Variants in DCAF11 observed in about 807,000 individuals in gnomAD.
DCAF11 encodes the protein DDB1 and CUL4 associated factor 11, also known as DDB1- and CUL4-associated factor 11.
In DCAF11, 44 loss-of-function variants were observed where a neutral mutation model predicts 76.1. The ratio of observed to expected loss-of-function variants is 0.58; its 90% CI spans 0.45 to 0.74. DCAF11 has a LOEUF of 0.74. Ranked by LOEUF, DCAF11 falls within the 30% of genes least tolerant of loss-of-function variation. The pLI is 0.00. For synonymous variants in DCAF11, 258 were observed against 255.0 expected (o/e 1.01, Z -0.11); for missense variants, 604 against 709.4 (o/e 0.85, Z 1.69).
Position 24,114,890 on chromosome 14 carries a change from C to G in DCAF11, c.-617C>G. ...GCGGCAGTCGGTGTAAACAAGGCCT[C>G]GCGCCGCTGCGGGTCCTGCGACCGC... On this transcript the variant is annotated 5_prime_UTR_variant, in exon 1 of 15. Transcript: ENST00000446197. 1 of 985,934 alleles carries G rather than the reference C, an allele frequency of 1.0e-6. No individual in the cohort carries two copies. Among genetic ancestry groups the G allele is most frequent in the Non-Finnish European group, 1.2e-6 (1 of 829,942 alleles). 61.1% of individuals were successfully genotyped at this position (985,934 alleles called of 1,614,324 possible).
chr14:24,121,275 C>T (rs549931406), intron 12 of DCAF11, 90 bp from the exon 13 acceptor site: 4 of 1,526,868 alleles, frequency 2.6e-6, no homozygotes, highest in Admixed American at 1.8e-5. Context: ...GCATTTGTCT[C>T]TGGGCATCGA....
intron 13 of DCAF11, among the ~76,000 whole-genome samples, chr14:24,122,446 C>T (rs1256421796): frequency 1.3e-5 from 2 of 148,548 alleles, no homozygotes; most frequent in Non-Finnish European, 1.5e-5. Flanking sequence ...GCCAAGATCG[C>T]GCCACGGCAC....
In DCAF11 at chr14:24,118,100, G is replaced by A; in HGVS notation, c.522G>A (p.Lys174=). The stretch of plus-strand genomic sequence containing the variant: ...GCTTCACTGATAGCTACTCTCAGAA[G>A]GCTTTCTGTGGCATCTACAGCAAAG... The part of the protein sequence containing the change: ...DLGFTDSYSQ[K]AFCGIYSKDG... Residue 174 remains lysine (K), a synonymous_variant, in exon 6 of 15, where the codon AAG becomes AAA. Coordinates refer to ENST00000446197, the MANE Select transcript of DCAF11 (RefSeq NM_025230.5). 1 of 1,613,016 alleles carries A rather than the reference G, an allele frequency of 6.2e-7. No homozygotes were observed. The highest frequency in any genetic ancestry group is 8.5e-7 in the Non-Finnish European group (1 of 1,179,718).
At chr14:24,119,313 C>A (rs1488899639) in intron 9 of DCAF11, 100 bp downstream of exon 9, 3 of 1,461,340 alleles carry the variant, frequency 2.1e-6, no homozygotes, top group African/African-American at 1.4e-5. Flanking sequence ...CTGCAGAGAA[C>A]AACCAGACCT....
At chr14:24,120,001 C>T (rs770132114) in intron 11 of DCAF11, 105 bp downstream of exon 11, 1 of 1,376,514 alleles carries the variant, frequency 7.3e-7, no homozygotes, top group Non-Finnish European at 9.6e-7. Flanking sequence ...CCTTATTAAC[C>T]AAGGTTTGTA....
At position 24,117,056 on chromosome 14, in the gene DCAF11, A is replaced by T; in HGVS notation, c.283+12A>T. The T allele has an allele frequency of 2.5e-6, 4 of 1,614,208 alleles. No homozygotes were observed. In the South Asian group the frequency reaches 4.4e-5, roughly 18 times the overall value. On this transcript the variant is annotated intron_variant, in intron 3 of 14. Coordinates refer to ENST00000446197, the MANE Select transcript of DCAF11 (RefSeq NM_025230.5). The surrounding 1 kb of genome is among the most constrained non-coding windows in gnomAD (Gnocchi z 4.3). The stretch of plus-strand genomic sequence containing the variant: ...ATACAACCCACCTGGTAAGAGGAAA[A>T]GCCCCTAATGTTGGAAGACTTTTAC...
chr14:24,123,456 C>T lies in DCAF11; in HGVS notation c.*147C>T. 7.9e-7 allele frequency: 1 copy of T among 1,261,352 alleles called. No individual in the cohort carries two copies. The highest frequency in any genetic ancestry group is 1.0e-6 in the Non-Finnish European group (1 of 963,750). 78.1% of individuals were successfully genotyped at this position (1,261,352 alleles called of 1,614,324 possible). On this transcript the variant is annotated 3_prime_UTR_variant, in exon 15 of 15. Coordinates refer to ENST00000446197, the MANE Select transcript of DCAF11 (RefSeq NM_025230.5). The stretch of plus-strand genomic sequence containing the variant: ...CTGGGCTCTGAGCCTCAGCTGAGCC[C>T]TGGAAGATTCTCCCCATGGGGCAGA...
chr14:24,118,009 C>A, intron 5 of DCAF11, 46 bp from the exon 6 acceptor site: 1 of 1,371,640 alleles, frequency 7.3e-7, no homozygotes, highest in Non-Finnish European at 1.0e-6. Flanking sequence ...TGGGACACTC[C>A]TTATCCTGAG....
chr14:24,117,615 C>A lies in DCAF11; in HGVS notation c.412-53C>A. ...CTTTGGAGGAGGGGGCTTGATATGG[C>A]TGAAGTGGCCCTCTATTTCTGCTAG... On this transcript the variant is annotated intron_variant, in intron 4 of 14. Coordinates refer to ENST00000446197, the MANE Select transcript of DCAF11 (RefSeq NM_025230.5). This position sits in a 1 kb window ranked among gnomAD's most constrained non-coding sequence, Gnocchi z 4.3. 1 of 1,593,088 alleles carries A rather than the reference C, an allele frequency of 6.3e-7. No individual in the cohort carries two copies. The highest frequency in any genetic ancestry group is 8.6e-7 in the Non-Finnish European group (1 of 1,162,830).
Position 24,117,687 on chromosome 14 carries a change from A to G in DCAF11, c.431A>G (p.His144Arg), listed in dbSNP as rs754565870. Residue 144 changes from histidine to arginine, a missense_variant, in exon 5 of 15, where the codon CAT becomes CGT. Physicochemically the swap from His to Arg is conservative, Grantham distance 29. Coordinates refer to ENST00000446197, the MANE Select transcript of DCAF11 (RefSeq NM_025230.5). This position sits in a 1 kb window ranked among gnomAD's most constrained non-coding sequence, Gnocchi z 4.3. ...MLHQRERGLCHRGSFSLGEQS... is the reference protein window; with the variant it reads ...MLHQRERGLCRRGSFSLGEQS... ...ATTTAGAGAGAACGGGGCCTCTGCC[A>G]TCGGGGAAGCTTCTCCCTTGGAGAA... The G allele has an allele frequency of 2.0e-5, 33 of 1,614,158 alleles. No individual in the cohort carries two copies. The highest frequency in any genetic ancestry group is 1.6e-4 in the Middle Eastern group (1 of 6,062).
At chr14:24,116,372 T>C (rs567282187) in intron 2 of DCAF11, among the ~76,000 whole-genome samples, 1 of 152,288 alleles carries the variant, frequency 6.6e-6, no homozygotes, top group South Asian at 2.1e-4. Context: ...TTAGTAGACA[T>C]AGACAGGGCT....
rs556567335 is a variant in DCAF11, at chr14:24,118,769, T to C, written c.744T>C (p.Tyr248=). The C allele has an allele frequency of 1.9e-6, 3 of 1,614,164 alleles. No individual in the cohort carries two copies. The highest frequency in any genetic ancestry group is 2.2e-5 in the South Asian group (2 of 91,090). ...WSDYIHICNI[Y]GEGDTHTALD... ...TCTTAGTTCATATCTGCAATATCTA[T>C]GGTGAGGGAGATACACACACTGCCC... Residue 248 remains tyrosine, a synonymous_variant, in exon 8 of 15, where the codon TAT becomes TAC. Transcript: ENST00000446197.
chr14:24,121,657 A>G, intron 13 of DCAF11, 140 bp downstream of exon 13: 1 of 880,638 alleles, frequency 1.1e-6, no homozygotes, highest in South Asian at 1.9e-5. Flanking sequence ...AGGCTTAAAC[A>G]GAGAAATAGA....
At position 24,117,051 on chromosome 14, in the gene DCAF11, G is replaced by C; in HGVS notation, c.283+7G>C. The C allele has an allele frequency of 6.2e-7, 1 of 1,614,174 alleles. No homozygotes were observed. Among genetic ancestry groups the C allele is most frequent in the Non-Finnish European group, 8.5e-7 (1 of 1,180,028 alleles). On this transcript the variant is annotated splice_region_variant and intron_variant, in intron 3 of 14. Coordinates refer to ENST00000446197, the MANE Select transcript of DCAF11 (RefSeq NM_025230.5). The surrounding 1 kb of genome is among the most constrained non-coding windows in gnomAD (Gnocchi z 4.3). Reference sequence around the variant, plus strand: ...GATCGATACAACCCACCTGGTAAGAGGAAAAGCCCCTAATGTTGGAAGACT... The same window carrying C: ...GATCGATACAACCCACCTGGTAAGACGAAAAGCCCCTAATGTTGGAAGACT...
intron 13 of DCAF11, among the ~76,000 whole-genome samples, chr14:24,122,739 A>G (rs1332286303): frequency 6.6e-6 from 1 of 152,166 alleles, no homozygotes; most frequent in Non-Finnish European, 1.5e-5. Flanking sequence ...CCCCTATGAA[A>G]TTTAGCTAAG....
Position 24,119,227 on chromosome 14 carries a change from G to A in DCAF11, c.848+14G>A. ...AGTACTAGGAGGGTAAGTGCTTGTGGGGTATGTTTCCCTCAATAACAAGAT... is the reference window on the plus strand; with the variant it reads ...AGTACTAGGAGGGTAAGTGCTTGTGAGGTATGTTTCCCTCAATAACAAGAT... On this transcript the variant is annotated intron_variant, in intron 9 of 14. Coordinates refer to ENST00000446197, the MANE Select transcript of DCAF11 (RefSeq NM_025230.5). The A allele has an allele frequency of 6.2e-7, 1 of 1,614,078 alleles. No homozygotes were observed. Among genetic ancestry groups the A allele is most frequent in the Non-Finnish European group, 8.5e-7 (1 of 1,179,992 alleles).
In DCAF11 at chr14:24,120,947, CA is replaced by C; in HGVS notation, c.1203del (p.Gln402SerfsTer19). ...ATGGAAGCTTCACGCCAGGCTGCCA[CA>C]CAGCAAAACTGGGACTATCGGTGGC... ...EGMEASRQAA[T>X]QQNWDYRWQQ... On this transcript the variant is annotated frameshift_variant, in exon 12 of 15. Coordinates refer to ENST00000446197, the MANE Select transcript of DCAF11 (RefSeq NM_025230.5). LOFTEE classifies it high-confidence loss of function. The C allele has an allele frequency of 1.2e-6, 2 of 1,614,214 alleles. No individual in the cohort carries two copies. Among genetic ancestry groups the C allele is most frequent in the East Asian group, 4.5e-5 (2 of 44,884 alleles).
chr14:24,115,189 G>T lies in DCAF11; in HGVS notation c.-318G>T, dbSNP rs1384496325. 3.2e-5 allele frequency: 7 copies of T among 217,536 alleles called. No individual in the cohort carries two copies. The highest frequency in any genetic ancestry group is 5.6e-5 in the Non-Finnish European group (7 of 125,256). The allele number at this position is 217,536 out of a possible 1,614,324, so 13.5% of individuals were successfully genotyped here. On this transcript the variant is annotated 5_prime_UTR_variant, in exon 1 of 15. Coordinates refer to ENST00000446197, the MANE Select transcript of DCAF11 (RefSeq NM_025230.5). ...TGGTTAGATGAGATAAGCTAGTGAAGCGCTTTCTTCCGAGAGGGATTTCGA... is the reference window on the plus strand; with the variant it reads ...TGGTTAGATGAGATAAGCTAGTGAATCGCTTTCTTCCGAGAGGGATTTCGA...
At position 24,121,358 on chromosome 14, in the gene DCAF11, T is replaced by C. The variant is rs1269298832; in HGVS notation, c.1247-7T>C. 1.2e-6 allele frequency: 2 copies of C among 1,614,018 alleles called. No homozygotes were observed. Among genetic ancestry groups the C allele is most frequent in the Non-Finnish European group, 1.7e-6 (2 of 1,180,024 alleles). Reference sequence around the variant, plus strand: ...TAACCTAGGGTTTACTCTGCATCCCTACCCAGCCTGGCGGAAGCTGAAGCT... The same window carrying C: ...TAACCTAGGGTTTACTCTGCATCCCCACCCAGCCTGGCGGAAGCTGAAGCT... On this transcript the variant is annotated splice_region_variant and splice_polypyrimidine_tract_variant and intron_variant, in intron 12 of 14. Coordinates refer to ENST00000446197, the MANE Select transcript of DCAF11 (RefSeq NM_025230.5).
Sources: gnomAD v4.1 joint callset for allele counts (sites outside exome capture counted in the v4.1 genomes callset) on GRCh38, gnomAD v4.1.1 for gene constraint, Gnocchi (gnomAD v3.1) non-coding constraint, MANE v1.5 for transcripts, NCBI Gene and HGNC (gene_info 2026-07-23, HGNC 2026-07-21) for gene names.